ZFAND5: variants seen among roughly 807,000 people sequenced by gnomAD.
ZFAND5 encodes zinc finger AN1-type containing 5, also known as AN1-type zinc finger protein 5.
Under a neutral mutation model 23.6 loss-of-function variants are expected in ZFAND5, and 4 were observed. The observed-to-expected ratio is 0.17, with a 90% confidence interval of 0.08 to 0.39. The LOEUF (loss-of-function observed/expected upper bound fraction) is 0.39, where lower values mean the gene tolerates loss of function less well. Ranked by LOEUF, ZFAND5 falls within the 10% of genes least tolerant of loss-of-function variation. The probability of loss-of-function intolerance (pLI) is 1.00; values close to 1 mark genes in which losing one functional copy is unlikely to be tolerated. For missense variants in ZFAND5, 161 were observed against 253.7 expected (o/e 0.63, Z 2.48); for synonymous variants, 68 against 80.6 (o/e 0.84, Z 0.84).
At chr9:72,357,641 C>A (rs1392037278) in intron 5 of ZFAND5, among the ~76,000 whole-genome samples, 1 of 152,092 alleles carries the variant, frequency 6.6e-6, no homozygotes, top group East Asian at 1.9e-4. Flanking sequence ...CATAGGAAGA[C>A]TTGAAAGATT....
At chr9:72,364,340 C>A in intron 1 of ZFAND5, 2 of 1,093,460 alleles carry the variant, frequency 1.8e-6, no homozygotes, top group Non-Finnish European at 2.3e-6. Context: ...GCAGGGGGCG[C>A]GGCCGCCGCC....
At chr9:72,363,352 C>T (rs973298021) in intron 2 of ZFAND5, 118 bp downstream of exon 2, 3 of 152,322 alleles carry the variant, frequency 2.0e-5, no homozygotes, top group Admixed American at 6.5e-5. Context: ...TAAAAAAACA[C>T]CCGAGTGTAA....
In ZFAND5 at chr9:72,355,609, C is replaced by T. The variant is rs767105861; in HGVS notation, c.*344G>A. On this transcript the variant is annotated 3_prime_UTR_variant, in exon 7 of 7. Coordinates refer to ENST00000376962, the MANE Select transcript of ZFAND5 (RefSeq NM_001102420.3). ...CTAGCCAAAGATTATACCTTGATTA[C>T]ATTCCCAAAAGGCAGATATGCTGCA... 14 of 165,782 alleles carry T rather than the reference C, an allele frequency of 8.4e-5. No individual in the cohort carries two copies. The highest frequency in any genetic ancestry group is 1.7e-4 in the South Asian group (1 of 5,816). The allele number at this position is 165,782 out of a possible 1,614,324, so 10.3% of individuals were successfully genotyped here.
chr9:72,359,380 A>G, intron 5 of ZFAND5, 38 bp downstream of exon 5: 1 of 1,599,642 alleles, frequency 6.3e-7, no homozygotes, highest in Non-Finnish European at 8.5e-7. Flanking sequence ...TTGCACTATC[A>G]AATTCAGAAC....
In ZFAND5 at chr9:72,355,299, C is replaced by G. The variant is rs1841911763; in HGVS notation, c.*654G>C. On this transcript the variant is annotated 3_prime_UTR_variant, in exon 7 of 7. Transcript: ENST00000376962. ...GTACAATAAGCTTCAAAGGTTATCT[C>G]AAGACCCTGTTGTTGGCTTGATGGT... The G allele has an allele frequency of 6.6e-6, 1 of 152,642 alleles. No homozygotes were observed. Among genetic ancestry groups the G allele is most frequent in the Non-Finnish European group, 1.5e-5 (1 of 68,054 alleles). The allele number at this position is 152,642 out of a possible 1,614,324, so 9.5% of individuals were successfully genotyped here. A position where few individuals can be genotyped will look rare whatever the true frequency, so the allele number is the denominator to read the frequency against.
chr9:72,362,858 G>A (rs948008416), intron 2 of ZFAND5, among the ~76,000 whole-genome samples: 2 of 152,182 alleles, frequency 1.3e-5, no homozygotes, highest in Non-Finnish European at 2.9e-5. Flanking sequence ...AAGCTGAGCT[G>A]GATGGAGGCT....
intron 6 of ZFAND5, 96 bp from the exon 7 acceptor site, chr9:72,356,197 G>A: frequency 6.2e-6 from 9 of 1,443,190 alleles, no homozygotes; most frequent in Non-Finnish European, 8.4e-6. Context: ...GATTTTCATT[G>A]CTTTGTAACA....
At chr9:72,361,028 A>ATCAC (rs1176079623) in intron 2 of ZFAND5, among the ~76,000 whole-genome samples, 3 of 152,160 alleles carry the variant, frequency 2.0e-5, no homozygotes, top group Non-Finnish European at 4.4e-5. Flanking sequence ...ATTTTTACCT[A>ATCAC]TCACTATTCT....
intron 2 of ZFAND5, among the ~76,000 whole-genome samples, chr9:72,362,234 T>C (rs191175568): frequency 6.6e-6 from 1 of 152,358 alleles, no homozygotes; most frequent in Non-Finnish European, 1.5e-5. Context: ...CAGGGTAGTG[T>C]AAACATTTCA....
chr9:72,351,919 C>A lies in ZFAND5; in HGVS notation c.*4034G>T, dbSNP rs1841783297. 2 of 152,286 alleles carry A rather than the reference C, an allele frequency of 1.3e-5. No homozygotes were observed. The highest frequency in any genetic ancestry group is 4.1e-4 in the South Asian group (2 of 4,834). 9.4% of individuals were successfully genotyped at this position (152,286 alleles called of 1,614,324 possible). The stretch of plus-strand genomic sequence containing the variant: ...GCTACATAATCTTATTGCTAATCAA[C>A]CAGCAACCATACCTATCACTCTCCA... On this transcript the variant is annotated 3_prime_UTR_variant, in exon 7 of 7. Transcript: ENST00000376962.
At chr9:72,356,533 ATATCTT>A (rs1209520233) in intron 6 of ZFAND5, among the ~76,000 whole-genome samples, 2 of 152,202 alleles carry the variant, frequency 1.3e-5, no homozygotes, top group Non-Finnish European at 2.9e-5. Context: ...CAGTCCTACC[ATATCTT>A]AAGTAATGCT....
intron 6 of ZFAND5, 82 bp downstream of exon 6, chr9:72,356,849 C>G: frequency 2.1e-6 from 3 of 1,439,784 alleles, no homozygotes; most frequent in Non-Finnish European, 1.9e-6. Flanking sequence ...ATGTGTAAGA[C>G]CAACTAGTCT....
chr9:72,360,376 T>G, intron 3 of ZFAND5, 155 bp from the exon 4 acceptor site: 1 of 842,780 alleles, frequency 1.2e-6, no homozygotes, highest in Non-Finnish European at 1.8e-6. Context: ...CAAAAAATAT[T>G]AAAAAGTCAA....
In ZFAND5 at chr9:72,363,437, T is replaced by G. The variant is rs114510600; in HGVS notation, c.-10+33A>C. ...GGAATACAGTTCTTTCAGGTGCACA[T>G]GATGTGATGAGATGGCATGAATTCC... On this transcript the variant is annotated intron_variant, in intron 2 of 6. Coordinates refer to ENST00000376962, the MANE Select transcript of ZFAND5 (RefSeq NM_001102420.3). The G allele has an allele frequency of 6.1e-3, 952 of 156,904 alleles. 13 individuals are homozygous for G. Among genetic ancestry groups the G allele is most frequent in the African/African-American group, 0.022 (906 of 41,634 alleles). 9.7% of individuals were successfully genotyped at this position (156,904 alleles called of 1,614,324 possible).
intron 2 of ZFAND5, among the ~76,000 whole-genome samples, chr9:72,362,037 C>A (rs1035253438): frequency 6.6e-6 from 1 of 152,042 alleles, no homozygotes; most frequent in Non-Finnish European, 1.5e-5. Context: ...CTGGCCAGAC[C>A]CCTGGTAATT....
rs1247548864 is a variant in ZFAND5 at position 72,355,825 on chromosome 9, A to G, written c.*128T>C. 2.3e-6 allele frequency: 2 copies of G among 863,452 alleles called. No homozygotes were observed. The highest frequency in any genetic ancestry group is 3.4e-5 in the African/African-American group (2 of 58,224). The allele number at this position is 863,452 out of a possible 1,614,324, so 53.5% of individuals were successfully genotyped here. A position where few individuals can be genotyped will look rare whatever the true frequency, so the allele number is the denominator to read the frequency against. ...CCAAACATCCTAAAATATCAATTAT[A>G]AGACAGACAAGTGTAATGTAAAACT... On this transcript the variant is annotated 3_prime_UTR_variant, in exon 7 of 7. Transcript: ENST00000376962.
At chr9:72,364,466 C>A (rs1002285488) in intron 1 of ZFAND5, 2 of 1,278,938 alleles carry the variant, frequency 1.6e-6, no homozygotes, top group African/African-American at 3.2e-5. Context: ...CCCGACCGTG[C>A]TGTGGAGCGA....
chr9:72,359,225 A>G (rs1410630091), intron 5 of ZFAND5, among the ~76,000 whole-genome samples, 193 bp downstream of exon 5: 2 of 150,032 alleles, frequency 1.3e-5, no homozygotes, highest in African/African-American at 2.5e-5. Context: ...GAAACTGAGA[A>G]TAAATATGAC....
At position 72,355,873 on chromosome 9, in the gene ZFAND5, G is replaced by A. The variant is rs1266214190; in HGVS notation, c.*80C>T. 2 of 1,274,666 alleles carry A rather than the reference G, an allele frequency of 1.6e-6. No individual in the cohort carries two copies. The highest frequency in any genetic ancestry group is 2.2e-6 in the Non-Finnish European group (2 of 923,768). 79.0% of individuals were successfully genotyped at this position (1,274,666 alleles called of 1,614,324 possible). A position where few individuals can be genotyped will look rare whatever the true frequency, so the allele number is the denominator to read the frequency against. On this transcript the variant is annotated 3_prime_UTR_variant, in exon 7 of 7. Transcript: ENST00000376962. Reference sequence around the variant, plus strand: ...ACTCTGGAGAACATCAAAGAAAAATGGCCATGCATCTGCTCTTTAATGTTT... The same window carrying A: ...ACTCTGGAGAACATCAAAGAAAAATAGCCATGCATCTGCTCTTTAATGTTT...
Sources: allele counts gnomAD v4.1 joint callset (sites outside exome capture counted in the v4.1 genomes callset), GRCh38; gene constraint gnomAD v4.1.1; transcripts MANE v1.5; gene names NCBI Gene and HGNC (gene_info 2026-07-23, HGNC 2026-07-21).